The following MYG1 variants were observed in gnomAD, a reference collection of about 807,000 sequenced individuals.
The protein encoded by MYG1 is UPF0160 protein MYG1, mitochondrial.
MYG1 carries 36 observed loss-of-function variants against 43.5 expected under a neutral mutation model. The ratio of observed to expected loss-of-function variants is 0.83; its 90% CI spans 0.63 to 1.09. The LOEUF is 1.09. MYG1 is among the 50% of genes least tolerant of loss of function. The pLI is 0.00. For synonymous variants in MYG1, 220 were observed against 202.8 expected (o/e 1.08, Z -0.72); for missense variants, 529 against 495.1 (o/e 1.07, Z -0.65).
chr12:53,300,277 A>G lies in MYG1; in HGVS notation c.329+15A>G. 6.5e-7 allele frequency: 1 copy of G among 1,528,628 alleles called. No individual in the cohort carries two copies. Among genetic ancestry groups the G allele is most frequent in the Non-Finnish European group, 8.8e-7 (1 of 1,131,274 alleles). 94.7% of individuals were successfully genotyped at this position (1,528,628 alleles called of 1,614,324 possible). A position where few individuals can be genotyped will look rare whatever the true frequency, so the allele number is the denominator to read the frequency against. On this transcript the variant is annotated intron_variant, in intron 2 of 6. Coordinates refer to ENST00000267103, the MANE Select transcript of MYG1 (RefSeq NM_021640.4). ...CATCACCAGAGGTAGGTTCTCAGAT[A>G]CCATTTATTTAACTTCCTTGACCTC...
intron 2 of MYG1, among the ~76,000 whole-genome samples, chr12:53,301,050 G>A (rs943536734): frequency 3.3e-5 from 5 of 151,912 alleles, no homozygotes; most frequent in African/African-American, 1.2e-4. Context: ...CTCCCGAGTA[G>A]CTGGGACTAC....
intron 5 of MYG1, 43 bp downstream of exon 5, chr12:53,306,363 C>T (rs1340893970): frequency 6.2e-7 from 1 of 1,608,546 alleles, no homozygotes; most frequent in South Asian, 1.1e-5. Context: ...GGATTACTGA[C>T]TGCCAATCAA....
intron 2 of MYG1, 54 bp downstream of exon 2, chr12:53,300,316 G>A: frequency 7.4e-7 from 1 of 1,359,524 alleles, no homozygotes. Flanking sequence ...TTTCCTCTGT[G>A]CTCCAATTCA....
In MYG1 at chr12:53,299,875, A is replaced by C. The variant is rs1460862524; in HGVS notation, c.138A>C (p.Arg46=). 2 of 1,614,076 alleles carry C rather than the reference A, an allele frequency of 1.2e-6. No individual in the cohort carries two copies. Among genetic ancestry groups the C allele is most frequent in the Non-Finnish European group, 1.7e-6 (2 of 1,180,038 alleles). Residue 46 remains arginine, a synonymous_variant, in exon 1 of 7, where the codon CGA becomes CGC. Transcript: ENST00000267103. Reference sequence around the variant, plus strand: ...GCAGCAAACTCATGGCACCGCCCCGAATCGGGACGCACAATGGCACCTTCC... The same window carrying C: ...GCAGCAAACTCATGGCACCGCCCCGCATCGGGACGCACAATGGCACCTTCC... ...RSRSKLMAPP[R]IGTHNGTFHC...
At chr12:53,304,763 A>G (rs960334096) in intron 3 of MYG1, among the ~76,000 whole-genome samples, 1 of 149,862 alleles carries the variant, frequency 6.7e-6, no homozygotes, top group Non-Finnish European at 1.5e-5. Flanking sequence ...CTAATTATAT[A>G]TCTTAATTTT....
intron 3 of MYG1, among the ~76,000 whole-genome samples, chr12:53,304,973 AT>A (rs1477595127): frequency 7.0e-6 from 1 of 142,016 alleles, no homozygotes; most frequent in Non-Finnish European, 1.5e-5. Flanking sequence ...GGTTCACGCC[AT>A]TGTCCTGCCT....
chr12:53,300,729 C>G (rs1944223147), intron 2 of MYG1, among the ~76,000 whole-genome samples: 1 of 152,130 alleles, frequency 6.6e-6, no homozygotes, highest in Non-Finnish European at 1.5e-5. Context: ...TCTTCTCCCT[C>G]AAGCCTCTAC....
At chr12:53,300,300 C>T in intron 2 of MYG1, 38 bp downstream of exon 2, 1 of 1,428,400 alleles carries the variant, frequency 7.0e-7, no homozygotes, top group Non-Finnish European at 9.5e-7. Context: ...CTTCCTTGAC[C>T]TCAGCTTTCC....
intron 2 of MYG1, among the ~76,000 whole-genome samples, chr12:53,300,918 T>G (rs958695334): frequency 7.0e-6 from 1 of 142,436 alleles, no homozygotes; most frequent in African/African-American, 2.5e-5. Context: ...TTCTTTTTTC[T>G]TTTCTTTTTT....
chr12:53,305,719 G>C, intron 3 of MYG1, 189 bp from the exon 4 acceptor site: 1 of 643,038 alleles, frequency 1.6e-6, no homozygotes, highest in Non-Finnish European at 2.5e-6. Flanking sequence ...CTGAATTCCA[G>C]TCACAGCACA....
chr12:53,303,009 AG>A (rs1268794015), intron 2 of MYG1, 24 bp from the exon 3 acceptor site: 1 of 1,575,520 alleles, frequency 6.3e-7, no homozygotes, highest in Non-Finnish European at 8.6e-7. Context: ...CCCTCACCTC[AG>A]CCCCACCTCC....
chr12:53,301,388 T>C (rs1944231583), intron 2 of MYG1, among the ~76,000 whole-genome samples: 1 of 152,216 alleles, frequency 6.6e-6, no homozygotes, highest in Non-Finnish European at 1.5e-5. Flanking sequence ...AGAGGGATTA[T>C]GATGTTTTAA....
At chr12:53,302,199 C>T (rs748683017) in intron 2 of MYG1, among the ~76,000 whole-genome samples, 6 of 152,104 alleles carry the variant, frequency 3.9e-5, no homozygotes, top group Non-Finnish European at 8.8e-5. Context: ...CCAGGCTGGT[C>T]TCAAACTACT....
Position 53,299,848 on chromosome 12 carries a change from C to T in MYG1, c.111C>T (p.Ser37=). Residue 37 remains serine, a synonymous_variant, in exon 1 of 7, where the codon TCC becomes TCT. Coordinates refer to ENST00000267103, the MANE Select transcript of MYG1 (RefSeq NM_021640.4). The part of the protein sequence containing the change: ...GPESVPPPKR[S]RSKLMAPPRI... The stretch of plus-strand genomic sequence containing the variant: ...AGTCCGTCCCGCCCCCAAAACGATC[C>T]CGCAGCAAACTCATGGCACCGCCCC... 6.2e-7 allele frequency: 1 copy of T among 1,614,232 alleles called. No individual in the cohort carries two copies. The highest frequency in any genetic ancestry group is 8.5e-7 in the Non-Finnish European group (1 of 1,180,030).
Position 53,306,200 on chromosome 12 carries a change from A to G in MYG1, c.645A>G (p.Ala215=). The change falls in exon 5 of 7, where the codon GCA becomes GCG. Residue 215 remains alanine, a splice_region_variant and synonymous_variant. Coordinates refer to ENST00000267103, the MANE Select transcript of MYG1 (RefSeq NM_021640.4). The part of the protein sequence containing the change: ...TWNHPDQDTE[A]GFKRAMDLVQ... ...GTTCTAATTCTCATCATTCCCAGGC[A>G]GGGTTCAAGCGTGCAATGGATCTGG... is the stretch of plus-strand genomic sequence containing the variant. 6.2e-7 allele frequency: 1 copy of G among 1,614,246 alleles called. No individual in the cohort carries two copies. The highest frequency in any genetic ancestry group is 8.5e-7 in the Non-Finnish European group (1 of 1,180,034).
At chr12:53,301,349 C>T (rs1274162497) in intron 2 of MYG1, among the ~76,000 whole-genome samples, 1 of 152,172 alleles carries the variant, frequency 6.6e-6, no homozygotes, top group East Asian at 1.9e-4. Flanking sequence ...CTCAATTATA[C>T]CACACCACGA....
chr12:53,303,252 C>G, intron 3 of MYG1, 59 bp downstream of exon 3: 2 of 1,578,172 alleles, frequency 1.3e-6, no homozygotes, highest in East Asian at 2.3e-5. Flanking sequence ...CGCCTGGGAG[C>G]AGTGCTCACA....
chr12:53,305,698 A>C, intron 3 of MYG1: 1 of 559,810 alleles, frequency 1.8e-6, no homozygotes. Context: ...ATGGATTAGA[A>C]ATCAGGTGAT....
chr12:53,300,109 G>T, intron 1 of MYG1, 41 bp from the exon 2 acceptor site: 1 of 1,551,202 alleles, frequency 6.4e-7, no homozygotes, highest in South Asian at 1.2e-5. Flanking sequence ...TCCCCTACCC[G>T]GCGACACCCG....
Sources: allele counts gnomAD v4.1 joint callset (sites outside exome capture counted in the v4.1 genomes callset), GRCh38; gene constraint gnomAD v4.1.1; transcripts MANE v1.5; gene names NCBI Gene and HGNC (gene_info 2026-07-23, HGNC 2026-07-21).